PEX13: variants seen among roughly 807,000 people sequenced by gnomAD.
PEX13 encodes peroxisomal biogenesis factor 13.
In PEX13, 28 loss-of-function variants were observed where a neutral mutation model predicts 34.5. That is an observed-to-expected ratio of 0.81 (90% confidence interval 0.60 to 1.11). The LOEUF (loss-of-function observed/expected upper bound fraction) is 1.11, where lower values mean the gene tolerates loss of function less well. Among genes scored for constraint, PEX13 ranks in the 50% most tolerant of loss-of-function variants. PEX13 has a pLI of 0.00. For missense variants in PEX13, 550 were observed against 491.0 expected (o/e 1.12, Z -1.13); for synonymous variants, 177 against 175.1 (o/e 1.01, Z -0.09).
chr2:61,048,691 A>AATC lies in PEX13; in HGVS notation c.1134_1136dup (p.Ser379dup). The AATC allele has an allele frequency of 1.9e-6, 3 of 1,613,992 alleles. No homozygotes were observed. The South Asian group carries it at 3.3e-5, about 18-fold the overall frequency. On this transcript the variant is annotated inframe_insertion, in exon 4 of 4. Coordinates refer to ENST00000295030, the MANE Select transcript of PEX13 (RefSeq NM_002618.4). Reference sequence around the variant, plus strand: ...TTGGATGAACAGGAAGCTGCCTTTGAATCTGTTTTTGTTGAAACTAATAAG... The same window carrying AATC: ...TTGGATGAACAGGAAGCTGCCTTTGAATCATCTGTTTTTGTTGAAACTAATAAG...
chr2:61,034,186 G>A (rs1415932460), intron 2 of PEX13, among the ~76,000 whole-genome samples: 4 of 151,970 alleles, frequency 2.6e-5, no homozygotes, highest in Non-Finnish European at 5.9e-5. Flanking sequence ...TAGTAGAGAC[G>A]GGGTTTCACC....
In PEX13 at chr2:61,050,541, A is replaced by T. The variant is rs955059910; in HGVS notation, c.*1771A>T. Reference sequence around the variant, plus strand: ...CATACTACAGAGTAATACTATCAGGAATACAGGTGTATAAGAATACATTTA... The same window carrying T: ...CATACTACAGAGTAATACTATCAGGTATACAGGTGTATAAGAATACATTTA... On this transcript the variant is annotated 3_prime_UTR_variant, in exon 4 of 4. Transcript: ENST00000295030. 2 of 152,496 alleles carry T rather than the reference A, an allele frequency of 1.3e-5. No individual in the cohort carries two copies. The highest frequency in any genetic ancestry group is 1.3e-4 in the Admixed American group (2 of 15,294). The allele number at this position is 152,496 out of a possible 1,614,324, so 9.4% of individuals were successfully genotyped here. A position where few individuals can be genotyped will look rare whatever the true frequency, so the allele number is the denominator to read the frequency against.
intron 3 of PEX13, among the ~76,000 whole-genome samples, chr2:61,048,239 T>C (rs1680739140): frequency 6.6e-6 from 1 of 152,340 alleles, no homozygotes; most frequent in East Asian, 1.9e-4. Flanking sequence ...TAATAAACTT[T>C]ATGTTCTTCA....
chr2:61,017,724 A>T lies in PEX13; in HGVS notation c.-36A>T, dbSNP rs750534894. The T allele has an allele frequency of 1.3e-6, 2 of 1,524,766 alleles. No homozygotes were observed. The highest frequency in any genetic ancestry group is 4.9e-5 in the East Asian group (2 of 40,916). The allele number at this position is 1,524,766 out of a possible 1,614,324, so 94.5% of individuals were successfully genotyped here. ...CTGGTCTACGCGGGCCTGGACAGTC[A>T]GGGGTAGGAGCGGGAGCCGAGAGGA... On this transcript the variant is annotated 5_prime_UTR_variant, in exon 1 of 4. Coordinates refer to ENST00000295030, the MANE Select transcript of PEX13 (RefSeq NM_002618.4).
intron 1 of PEX13, among the ~76,000 whole-genome samples, chr2:61,027,518 A>G (rs780744337): frequency 3.9e-4 from 59 of 152,132 alleles, no homozygotes; most frequent in Non-Finnish European, 6.0e-4. Flanking sequence ...AAATTTTATA[A>G]TCTCTTTGTA....
intron 2 of PEX13, among the ~76,000 whole-genome samples, chr2:61,033,288 T>C (rs1358455891): frequency 6.6e-6 from 1 of 152,080 alleles, no homozygotes; most frequent in African/African-American, 2.4e-5. Context: ...TGAGAGATAA[T>C]GAAGACCCAA....
At chr2:61,034,975 A>G (rs1186266089) in intron 2 of PEX13, among the ~76,000 whole-genome samples, 1 of 152,218 alleles carries the variant, frequency 6.6e-6, no homozygotes, top group Admixed American at 6.5e-5. Flanking sequence ...TGGTTCTCTG[A>G]GCACAGTGTG....
chr2:61,024,274 G>A (rs1658150885), intron 1 of PEX13, among the ~76,000 whole-genome samples: 1 of 152,104 alleles, frequency 6.6e-6, no homozygotes, highest in African/African-American at 2.4e-5. Context: ...TGACTTTGAT[G>A]CCTCTTATTA....
At chr2:61,041,407 A>C (rs1474501425) in intron 2 of PEX13, among the ~76,000 whole-genome samples, 1 of 152,210 alleles carries the variant, frequency 6.6e-6, no homozygotes, top group Admixed American at 6.5e-5. Flanking sequence ...AAGACAGACT[A>C]AGATGGAAAT....
In PEX13 at chr2:61,017,841, C is replaced by G. The variant is rs570602262; in HGVS notation, c.82C>G (p.Pro28Ala). Residue 28 changes from proline (P) to alanine (A), a missense_variant, in exon 1 of 4, where the codon CCC becomes GCC. Physicochemically the swap from Pro to Ala is conservative, Grantham distance 27. Transcript: ENST00000295030. ...PGAGPGPGPG[P>A]TFQSADLGPT... is the part of the protein sequence containing the mutation. ...AGCCGGACCGGGACCAGGACCGGGC[C>G]CCACTTTCCAGTGAGTGTGGGATTC... The G allele has an allele frequency of 6.4e-7, 1 of 1,550,428 alleles. No homozygotes were observed. The highest frequency in any genetic ancestry group is 8.7e-7 in the Non-Finnish European group (1 of 1,146,768).
At chr2:61,027,849 G>A (rs1020370056) in intron 1 of PEX13, among the ~76,000 whole-genome samples, 9 of 152,032 alleles carry the variant, frequency 5.9e-5, no homozygotes, top group Non-Finnish European at 1.3e-4. Context: ...CTATCTGGCC[G>A]TTCACTGGCT....
Position 61,031,928 on chromosome 2 carries a change from TAAG to T in PEX13, c.607_609del (p.Arg203del). 1 of 1,614,204 alleles carries T rather than the reference TAAG, an allele frequency of 6.2e-7. No homozygotes were observed. Among genetic ancestry groups the T allele is most frequent in the Non-Finnish European group, 8.5e-7 (1 of 1,180,018 alleles). On this transcript the variant is annotated inframe_deletion, in exon 2 of 4. Transcript: ENST00000295030. ...AGACGGCTACAGCGGATGTTAGGTT[TAAG>T]AAGAGGCTCTGAGAATGAAGACCTC...
At chr2:61,031,283 C>A (rs777495204) in intron 1 of PEX13, 136 bp from the exon 2 acceptor site, 4 of 737,412 alleles carry the variant, frequency 5.4e-6, no homozygotes, top group African/African-American at 1.7e-5. Context: ...CAGAGTGAGA[C>A]CCTGTCTCTA....
chr2:61,044,496 CCT>C (rs1202306229), intron 2 of PEX13, among the ~76,000 whole-genome samples: 1 of 152,126 alleles, frequency 6.6e-6, no homozygotes, highest in African/African-American at 2.4e-5. Flanking sequence ...TGCAATTTCC[CCT>C]GTCTCAGCCT....
chr2:61,034,410 T>C (rs1432803779), intron 2 of PEX13, among the ~76,000 whole-genome samples: 2 of 152,198 alleles, frequency 1.3e-5, no homozygotes, highest in Admixed American at 6.5e-5. Flanking sequence ...GCGGGTGATA[T>C]CTGCATCTCC....
At chr2:61,020,268 A>T (rs1328894262) in intron 1 of PEX13, among the ~76,000 whole-genome samples, 1 of 151,576 alleles carries the variant, frequency 6.6e-6, no homozygotes, top group Non-Finnish European at 1.5e-5. Context: ...CCTCCATGAA[A>T]TTTTTTTCCA....
rs1573558425 is a variant in PEX13 at position 61,041,028 on chromosome 2, A to T, written c.788-4698A>T. 2.6e-5 allele frequency among the ~76,000 whole-genome samples: 4 copies of T among 152,100 alleles called. No individual in the cohort carries two copies. In the South Asian group the frequency reaches 8.3e-4, roughly 32 times the overall value. On this transcript the variant is annotated intron_variant, in intron 2 of 3. Transcript: ENST00000295030. ...ATGGCAGTGACATGGGTCCTAAGAT[A>T]GAGTCAGATTGGGATTACTCACCCC...
chr2:61,046,901 C>T (rs1479869995), intron 3 of PEX13, among the ~76,000 whole-genome samples: 1 of 152,098 alleles, frequency 6.6e-6, no homozygotes, highest in Non-Finnish European at 1.5e-5. Context: ...GATGAGATTA[C>T]TAAATCTTTG....
intron 3 of PEX13, among the ~76,000 whole-genome samples, chr2:61,047,884 AAAT>A (rs1680728657): frequency 6.6e-6 from 1 of 152,248 alleles, no homozygotes; most frequent in Admixed American, 6.5e-5. Flanking sequence ...TGAGTACATT[AAAT>A]AATCTTTCTT....
Sources: gnomAD v4.1 joint callset for allele counts (sites outside exome capture counted in the v4.1 genomes callset) on GRCh38, gnomAD v4.1.1 for gene constraint, MANE v1.5 for transcripts, NCBI Gene and HGNC (gene_info 2026-07-23, HGNC 2026-07-21) for gene names.